The following EP400 variants were observed in gnomAD, a reference collection of about 807,000 sequenced individuals.
The protein encoded by EP400 is E1A-binding protein p400.
Under a neutral mutation model 354.1 loss-of-function variants are expected in EP400, and 105 were observed. The observed-to-expected ratio is 0.30, with a 90% CI of 0.25 to 0.35. EP400 has a LOEUF of 0.35. Among genes scored for constraint, EP400 ranks in the 10% least tolerant of loss-of-function variants. The probability of loss-of-function intolerance (pLI) is 1.00; values close to 1 mark genes in which losing one functional copy is unlikely to be tolerated. For missense variants in EP400, 3,280 were observed against 4,121.0 expected (o/e 0.80, Z 5.59); for synonymous variants, 1,646 against 1,716.9 (o/e 0.96, Z 1.02).
intron 16 of EP400, 59 bp from the exon 17 acceptor site, chr12:132,012,950 A>G (rs902588393): frequency 1.1e-4 from 164 of 1,497,064 alleles, no homozygotes; most frequent in Non-Finnish European, 1.4e-4. Flanking sequence ...TGTGTCCTCA[A>G]GGTGATTTTG....
chr12:132,030,179 A>G (rs771927287), intron 29 of EP400, 21 bp downstream of exon 29: 16 of 1,613,106 alleles, frequency 9.9e-6, no homozygotes, highest in African/African-American at 2.7e-5. Context: ...CATTGTTTAC[A>G]TTGTCTCTGA....
Position 132,017,436 on chromosome 12 carries a change from T to C in EP400, c.3924-99T>C. 1.5e-6 allele frequency: 2 copies of C among 1,346,614 alleles called. No individual in the cohort carries two copies. Among genetic ancestry groups the C allele is most frequent in the African/African-American group, 1.5e-5 (1 of 68,256 alleles). 83.4% of individuals were successfully genotyped at this position (1,346,614 alleles called of 1,614,324 possible). On this transcript the variant is annotated intron_variant, in intron 19 of 52. Coordinates refer to ENST00000389561, the MANE Select transcript of EP400 (RefSeq NM_015409.5). The surrounding 1 kb of genome is among the most constrained non-coding windows in gnomAD (Gnocchi z 5.0). Reference sequence around the variant, plus strand: ...TAAGCGGACCTAGAAAATCTGCTCCTGCCTGCCTTTCTGGAGTTGGGACAG... The same window carrying C: ...TAAGCGGACCTAGAAAATCTGCTCCCGCCTGCCTTTCTGGAGTTGGGACAG...
chr12:132,046,248 T>G (rs1232743328), intron 39 of EP400, among the ~76,000 whole-genome samples: 1 of 152,244 alleles, frequency 6.6e-6, no homozygotes, highest in Non-Finnish European at 1.5e-5. Flanking sequence ...CTTGGCCATA[T>G]ATATATACAT....
intron 47 of EP400, among the ~76,000 whole-genome samples, chr12:132,063,785 C>T (rs1895788965): frequency 6.6e-6 from 1 of 152,138 alleles, no homozygotes; most frequent in African/African-American, 2.4e-5. Context: ...CCTGTCACAC[C>T]AGCCATCCCT....
At chr12:132,077,122 AAAGC>A (rs755804158) in intron 52 of EP400, among the ~76,000 whole-genome samples, 5 of 152,232 alleles carry the variant, frequency 3.3e-5, no homozygotes, top group Non-Finnish European at 5.9e-5. Flanking sequence ...AACTCTATTA[AAAGC>A]TTTACTACAA....
intron 31 of EP400, 63 bp from the exon 32 acceptor site, chr12:132,037,890 C>T (rs1412708853): frequency 1.2e-6 from 2 of 1,612,396 alleles, no homozygotes; most frequent in Non-Finnish European, 1.7e-6. Flanking sequence ...CTTAGGTCTC[C>T]AGCTGAGGTC....
intron 12 of EP400, among the ~76,000 whole-genome samples, chr12:132,004,505 T>A (rs1479675880): frequency 6.6e-6 from 1 of 152,242 alleles, no homozygotes; most frequent in Non-Finnish European, 1.5e-5. Flanking sequence ...ATATTTTGTA[T>A]TTTTATATAT....
intron 50 of EP400, 42 bp from the exon 51 acceptor site, chr12:132,069,453 C>T (rs765226491): frequency 7.1e-5 from 114 of 1,601,740 alleles, no homozygotes; most frequent in Non-Finnish European, 9.0e-5. Context: ...GTCTTGAGCG[C>T]GGCATGGTCT....
Position 132,011,503 on chromosome 12 carries a change from T to C in EP400, c.3310T>C (p.Trp1104Arg). Residue 1104 changes from tryptophan to arginine, a missense_variant, in exon 16 of 53, where the codon TGG becomes CGG. Transcript: ENST00000389561. ...TTCTGTTTTTTGCTTTGTAGGTAAT[T>C]GGGGCCCCCATCTTGTTGTTGTGAG... is the stretch of plus-strand genomic sequence containing the variant. ...FAHLACNEGN[W>R]GPHLVVVRSC... 2 of 1,610,644 alleles carry C rather than the reference T, an allele frequency of 1.2e-6. No individual in the cohort carries two copies. Among genetic ancestry groups the C allele is most frequent in the Non-Finnish European group, 1.7e-6 (2 of 1,179,206 alleles).
At chr12:131,991,574 TTC>T in intron 10 of EP400, 118 bp downstream of exon 10, 8 of 934,684 alleles carry the variant, frequency 8.6e-6, no homozygotes, top group Admixed American at 4.8e-5. Context: ...TTCCTTTCTT[TTC>T]TTTTTTTTTT....
Position 131,981,585 on chromosome 12 carries a change from C to G in EP400, c.1532C>G (p.Pro511Arg). Residue 511 changes from proline to arginine, a missense_variant, in exon 4 of 53, where the codon CCG becomes CGG. Physicochemically the swap from Pro to Arg is moderately radical, Grantham distance 103. Coordinates refer to ENST00000389561, the MANE Select transcript of EP400 (RefSeq NM_015409.5). ...DAGVPLQQLM[P>R]TAQGGMPPTP... ...GGCGTTCCTCTCCAGCAACTAATGCCGACCGCACAAGGTAAGGCCCAGCAG... is the reference window on the plus strand; with the variant it reads ...GGCGTTCCTCTCCAGCAACTAATGCGGACCGCACAAGGTAAGGCCCAGCAG... 1.3e-6 allele frequency: 2 copies of G among 1,597,054 alleles called. No individual in the cohort carries two copies. Among genetic ancestry groups the G allele is most frequent in the Non-Finnish European group, 1.7e-6 (2 of 1,172,030 alleles).
At chr12:131,955,070 CTT>C (rs1432307224) in intron 1 of EP400, among the ~76,000 whole-genome samples, 3 of 152,020 alleles carry the variant, frequency 2.0e-5, no homozygotes, top group Non-Finnish European at 2.9e-5. Flanking sequence ...AAATTAGAAA[CTT>C]AGTCGTTAAA....
chr12:131,964,001 GA>G (rs1053302326), intron 2 of EP400, among the ~76,000 whole-genome samples: 8 of 151,688 alleles, frequency 5.3e-5, no homozygotes, highest in South Asian at 2.1e-4. Flanking sequence ...AACAGAATAA[GA>G]AAAAAAAGAT....
At chr12:131,970,786 T>C (rs995822447) in intron 2 of EP400, among the ~76,000 whole-genome samples, 2 of 152,224 alleles carry the variant, frequency 1.3e-5, no homozygotes, top group African/African-American at 4.8e-5. Flanking sequence ...CAAAGCGATT[T>C]GGTATAAGGA....
At chr12:132,014,121 C>T (rs1315995525) in intron 19 of EP400, among the ~76,000 whole-genome samples, 2 of 152,250 alleles carry the variant, frequency 1.3e-5, no homozygotes, top group East Asian at 1.9e-4. Flanking sequence ...CTGCACTTCC[C>T]GTCTCAGAAG....
In EP400 at chr12:132,017,779, T is replaced by C; in HGVS notation, c.4110+58T>C. 1.4e-6 allele frequency: 2 copies of C among 1,471,740 alleles called. No homozygotes were observed. Among genetic ancestry groups the C allele is most frequent in the Middle Eastern group, 1.8e-4 (1 of 5,502 alleles). 91.2% of individuals were successfully genotyped at this position (1,471,740 alleles called of 1,614,324 possible). On this transcript the variant is annotated intron_variant, in intron 20 of 52. Coordinates refer to ENST00000389561, the MANE Select transcript of EP400 (RefSeq NM_015409.5). This position sits in a 1 kb window ranked among gnomAD's most constrained non-coding sequence, Gnocchi z 5.0. ...TTGGATATCTTTTCTAGGCACATTATAGATAAAACCATTCTTGGAAATGGG... is the reference window on the plus strand; with the variant it reads ...TTGGATATCTTTTCTAGGCACATTACAGATAAAACCATTCTTGGAAATGGG...
intron 12 of EP400, among the ~76,000 whole-genome samples, chr12:132,000,551 T>C (rs538680781): frequency 1.2e-4 from 18 of 152,374 alleles, no homozygotes; most frequent in Admixed American, 2.0e-4. Flanking sequence ...GAGAGAAGTA[T>C]GTTAAAATGT....
At position 131,979,807 on chromosome 12, in the gene EP400, G is replaced by T. The variant is rs375088211; in HGVS notation, c.1435+14G>T. On this transcript the variant is annotated intron_variant, in intron 3 of 52. Transcript: ENST00000389561. ...CAGGTATGGCAGGTACGTCGGCACG[G>T]CTAGCGTGGCCTCGGGAATGCCCCC... The T allele has an allele frequency of 1.5e-5, 24 of 1,587,114 alleles. No homozygotes were observed. The African/African-American group carries it at 2.8e-4, about 19-fold the overall frequency.
At chr12:131,970,865 G>T (rs1319697323) in intron 2 of EP400, among the ~76,000 whole-genome samples, 1 of 152,104 alleles carries the variant, frequency 6.6e-6, no homozygotes, top group African/African-American at 2.4e-5. Context: ...GGTGAGAATG[G>T]CTAAGATCTA....
Sources: gnomAD v4.1 joint callset for allele counts (sites outside exome capture counted in the v4.1 genomes callset) on GRCh38, gnomAD v4.1.1 for gene constraint, Gnocchi (gnomAD v3.1) non-coding constraint, MANE v1.5 for transcripts, NCBI Gene and HGNC (gene_info 2026-07-23, HGNC 2026-07-21) for gene names.